The following TNKS variants were observed in gnomAD, a reference collection of about 807,000 sequenced individuals.
TNKS encodes tankyrase.
Under a neutral mutation model 135.8 loss-of-function variants are expected in TNKS, and 72 were observed. The ratio of observed to expected loss-of-function variants is 0.53; its 90% CI spans 0.44 to 0.64. The LOEUF (loss-of-function observed/expected upper bound fraction) is 0.64, where lower values mean the gene tolerates loss of function less well. Ranked by LOEUF, TNKS falls within the 30% of genes least tolerant of loss-of-function variation. TNKS has a pLI of 0.00. For synonymous variants in TNKS, 849 were observed against 649.3 expected (o/e 1.31, Z -4.68); for missense variants, 1,769 against 1,674.0 (o/e 1.06, Z -0.99).
intron 3 of TNKS, chr8:9,658,567 A>G (rs1801536497): frequency 6.3e-6 from 2 of 319,068 alleles, no homozygotes; most frequent in Non-Finnish European, 1.1e-5. Flanking sequence ...CCTGCCCTAA[A>G]AGAGCTCCTG....
In TNKS at chr8:9,758,690, G is replaced by A. The variant is rs536192824; in HGVS notation, c.3154-2826G>A. On this transcript the variant is annotated intron_variant, in intron 20 of 26. Transcript: ENST00000310430. ...TGGGGACTCACCTGGCAAGGGCTGG[G>A]ACCCGCTTTCAAGCTCTCTCACAGT... Among the ~76,000 whole-genome samples the A allele has an allele frequency of 7.9e-5, 12 of 152,148 alleles. No homozygotes were observed. In the South Asian group the frequency reaches 1.0e-3, roughly 13 times the overall value.
rs140077394 is a variant in TNKS at position 9,643,527 on chromosome 8, G to C, written c.994+27850G>C. 4.9e-3 allele frequency among the ~76,000 whole-genome samples: 749 copies of C among 152,152 alleles called. 5 individuals are homozygous for C. Among genetic ancestry groups the C allele is most frequent in the East Asian group, 7.2e-3 (37 of 5,166 alleles). On this transcript the variant is annotated intron_variant, in intron 3 of 26. Transcript: ENST00000310430. ...CCCGCCTCTCAAAACTATTGCATTGGGGATTAAGTTTCCAACATACAAACT... is the reference window on the plus strand; with the variant it reads ...CCCGCCTCTCAAAACTATTGCATTGCGGATTAAGTTTCCAACATACAAACT...
intron 11 of TNKS, among the ~76,000 whole-genome samples, chr8:9,715,465 T>G (rs1252057405): frequency 6.6e-6 from 1 of 152,108 alleles, no homozygotes; most frequent in Admixed American, 6.6e-5. Flanking sequence ...TGGTACCACC[T>G]GTAGCCTTTG....
chr8:9,607,018 C>G (rs890329890), intron 2 of TNKS, among the ~76,000 whole-genome samples: 2 of 152,014 alleles, frequency 1.3e-5, no homozygotes, highest in Non-Finnish European at 2.9e-5. Context: ...AGGGCTTATT[C>G]TAGGGGACAA....
At position 9,777,759 on chromosome 8, in the gene TNKS, A is replaced by G. The variant is rs1808296023; in HGVS notation, c.*1023A>G. ...GTTGGGATTGTTACCCCTCCAAATT[A>G]GCTGCCTTATTTCAAAAGTCAGTGA... On this transcript the variant is annotated 3_prime_UTR_variant, in exon 27 of 27. Transcript: ENST00000310430. 1 of 152,208 alleles carries G rather than the reference A, an allele frequency of 6.6e-6. No individual in the cohort carries two copies. The highest frequency in any genetic ancestry group is 2.1e-4 in the South Asian group (1 of 4,832). 9.4% of individuals were successfully genotyped at this position (152,208 alleles called of 1,614,324 possible). A position where few individuals can be genotyped will look rare whatever the true frequency, so the allele number is the denominator to read the frequency against.
intron 3 of TNKS, among the ~76,000 whole-genome samples, chr8:9,630,168 C>G (rs1275879188): frequency 1.3e-5 from 2 of 152,316 alleles, no homozygotes; most frequent in East Asian, 3.9e-4. Flanking sequence ...ATTCCCACCC[C>G]TGACTTTCAG....
intron 3 of TNKS, among the ~76,000 whole-genome samples, chr8:9,639,309 T>C (rs1009000880): frequency 6.6e-6 from 1 of 152,124 alleles, no homozygotes; most frequent in Non-Finnish European, 1.5e-5. Flanking sequence ...ATTTACAAAC[T>C]GTCAGTTGTT....
At chr8:9,681,802 T>C (rs1277680341) in intron 5 of TNKS, among the ~76,000 whole-genome samples, 1 of 152,130 alleles carries the variant, frequency 6.6e-6, no homozygotes, top group Non-Finnish European at 1.5e-5. Flanking sequence ...CTTCCCCACT[T>C]TTTCTCTATT....
intron 15 of TNKS, among the ~76,000 whole-genome samples, chr8:9,734,240 A>C (rs1243957146): frequency 6.6e-6 from 1 of 152,178 alleles, no homozygotes; most frequent in Non-Finnish European, 1.5e-5. Flanking sequence ...TAATTTCCGC[A>C]GTGAGCCCAT....
intron 22 of TNKS, among the ~76,000 whole-genome samples, chr8:9,763,990 A>C (rs1019641275): frequency 6.6e-6 from 1 of 152,150 alleles, no homozygotes; most frequent in Non-Finnish European, 1.5e-5. Context: ...ATTTCAGCTC[A>C]TACGTAGCGC....
chr8:9,777,733 T>C lies in TNKS; in HGVS notation c.*997T>C, dbSNP rs984011925. The C allele has an allele frequency of 3.3e-5, 5 of 152,216 alleles. No homozygotes were observed. The highest frequency in any genetic ancestry group is 9.7e-5 in the African/African-American group (4 of 41,446). 9.4% of individuals were successfully genotyped at this position (152,216 alleles called of 1,614,324 possible). A position where few individuals can be genotyped will look rare whatever the true frequency, so the allele number is the denominator to read the frequency against. On this transcript the variant is annotated 3_prime_UTR_variant, in exon 27 of 27. Coordinates refer to ENST00000310430, the MANE Select transcript of TNKS (RefSeq NM_003747.3). Reference sequence around the variant, plus strand: ...ATGCTTCCCTTCCCTTAATCTGTACTGTTGGGATTGTTACCCCTCCAAATT... The same window carrying C: ...ATGCTTCCCTTCCCTTAATCTGTACCGTTGGGATTGTTACCCCTCCAAATT...
Position 9,779,914 on chromosome 8 carries a change from T to A in TNKS, c.*3178T>A, listed in dbSNP as rs140483356. ...AGCATAAGTAGAATCAACATTAGGATGTTTTCATGAAATAGCATCCTTATA... is the reference window on the plus strand; with the variant it reads ...AGCATAAGTAGAATCAACATTAGGAAGTTTTCATGAAATAGCATCCTTATA... On this transcript the variant is annotated 3_prime_UTR_variant, in exon 27 of 27. Transcript: ENST00000310430. 6.6e-6 allele frequency: 1 copy of A among 152,332 alleles called. No individual in the cohort carries two copies. Among genetic ancestry groups the A allele is most frequent in the Non-Finnish European group, 1.5e-5 (1 of 68,036 alleles). 9.4% of individuals were successfully genotyped at this position (152,332 alleles called of 1,614,324 possible). A position where few individuals can be genotyped will look rare whatever the true frequency, so the allele number is the denominator to read the frequency against.
intron 3 of TNKS, among the ~76,000 whole-genome samples, chr8:9,616,051 A>T (rs1487504951): frequency 6.6e-6 from 1 of 152,170 alleles, no homozygotes; most frequent in African/African-American, 2.4e-5. Flanking sequence ...TGGAAAGACA[A>T]CCTGCTGCCT....
At chr8:9,633,041 C>A (rs1433116675) in intron 3 of TNKS, among the ~76,000 whole-genome samples, 1 of 152,072 alleles carries the variant, frequency 6.6e-6, no homozygotes, top group Admixed American at 6.6e-5. Context: ...CTATGTTGTT[C>A]TTTGCAGAGA....
rs145285813 is a variant in TNKS, at chr8:9,604,968, C to T, written c.899-10614C>T. 1.5e-3 allele frequency among the ~76,000 whole-genome samples: 226 copies of T among 151,670 alleles called. 1 individual carries two copies. The highest frequency in any genetic ancestry group is 5.3e-3 in the African/African-American group (221 of 41,408). ...TAGCTGTTTCTAATCACAGTCAGACCCTCTATAAAGCTTTTAAAATATTAG... is the reference window on the plus strand; with the variant it reads ...TAGCTGTTTCTAATCACAGTCAGACTCTCTATAAAGCTTTTAAAATATTAG... On this transcript the variant is annotated intron_variant, in intron 2 of 26. Coordinates refer to ENST00000310430, the MANE Select transcript of TNKS (RefSeq NM_003747.3).
Position 9,593,182 on chromosome 8 carries a change from C to T in TNKS, c.898+12799C>T, listed in dbSNP as rs910280940. Among the ~76,000 whole-genome samples the T allele has an allele frequency of 4.6e-5, 7 of 152,188 alleles. 1 individual carries two copies. In the South Asian group the frequency reaches 6.2e-4, roughly 14 times the overall value. On this transcript the variant is annotated intron_variant, in intron 2 of 26. Transcript: ENST00000310430. ...TAAAAGTTGCTGTGGATAGTTGATACGTAATATTGTAAAGGGTTTTCCCTC... is the reference window on the plus strand; with the variant it reads ...TAAAAGTTGCTGTGGATAGTTGATATGTAATATTGTAAAGGGTTTTCCCTC...
At chr8:9,722,324 G>A (rs562969999) in intron 12 of TNKS, 1 of 152,200 alleles carries the variant, frequency 6.6e-6, no homozygotes, top group African/African-American at 2.4e-5. Flanking sequence ...GAAGATCAGA[G>A]CTAAATAGCA....
chr8:9,770,792 G>A (rs1478691965), intron 26 of TNKS, among the ~76,000 whole-genome samples: 1 of 152,222 alleles, frequency 6.6e-6, no homozygotes, highest in East Asian at 1.9e-4. Flanking sequence ...AGGGAATGCT[G>A]TTGGGGGAAG....
At chr8:9,746,963 A>G (rs1178048891) in intron 17 of TNKS, among the ~76,000 whole-genome samples, 1 of 144,554 alleles carries the variant, frequency 6.9e-6, no homozygotes, top group African/African-American at 2.6e-5. Context: ...GCTGACTGCA[A>G]CCTCCGCCTT....
Sources: gnomAD v4.1 joint callset for allele counts (sites outside exome capture counted in the v4.1 genomes callset) on GRCh38, gnomAD v4.1.1 for gene constraint, MANE v1.5 for transcripts, NCBI Gene and HGNC (gene_info 2026-07-23, HGNC 2026-07-21) for gene names.